The following HIVEP3 variants were observed in gnomAD, a reference collection of about 807,000 sequenced individuals.
HIVEP3 encodes transcription factor HIVEP3.
A neutral mutation model predicts 152.8 loss-of-function variants in HIVEP3; 49 were observed. The observed-to-expected ratio is 0.32, with a 90% CI of 0.26 to 0.41. The LOEUF is 0.41. HIVEP3 is among the 10% of genes least tolerant of loss of function. The pLI is 1.00. For synonymous variants in HIVEP3, 1,269 were observed against 1,289.0 expected (o/e 0.98, Z 0.33); for missense variants, 2,790 against 3,103.3 (o/e 0.90, Z 2.40).
At chr1:41,816,808 G>A (rs1157810960) in intron 1 of HIVEP3, among the ~76,000 whole-genome samples, 1 of 152,194 alleles carries the variant, frequency 6.6e-6, no homozygotes, top group Non-Finnish European at 1.5e-5. Flanking sequence ...CTACAAACTT[G>A]CATTCCTAAC....
At chr1:41,555,463 A>G (rs1643951486) in intron 5 of HIVEP3, among the ~76,000 whole-genome samples, 1 of 152,204 alleles carries the variant, frequency 6.6e-6, no homozygotes, top group Non-Finnish European at 1.5e-5. Flanking sequence ...GGGTGAGGCG[A>G]TGCCCTGCCC....
At chr1:41,972,214 A>T (rs926053113) in intron 1 of HIVEP3, among the ~76,000 whole-genome samples, 1 of 151,982 alleles carries the variant, frequency 6.6e-6, no homozygotes, top group Non-Finnish European at 1.5e-5. Flanking sequence ...CCCAATGACC[A>T]TTTCATCTAT....
At chr1:41,964,210 G>A (rs1316946311) in intron 1 of HIVEP3, among the ~76,000 whole-genome samples, 1 of 152,146 alleles carries the variant, frequency 6.6e-6, no homozygotes, top group Non-Finnish European at 1.5e-5. Context: ...TTCAGCTGAG[G>A]TATCTATGTT....
At chr1:41,518,606 C>T (rs1470588953) in intron 6 of HIVEP3, 118 bp from the exon 7 acceptor site, 1 of 941,642 alleles carries the variant, frequency 1.1e-6, no homozygotes, top group Non-Finnish European at 1.7e-6. Flanking sequence ...AGTCAAGGCC[C>T]TGCCAGCTGC....
chr1:41,890,719 A>C (rs1644433133), intron 1 of HIVEP3, among the ~76,000 whole-genome samples: 1 of 152,182 alleles, frequency 6.6e-6, no homozygotes, highest in Non-Finnish European at 1.5e-5. Context: ...ATCTTACTCC[A>C]AGTCTGGGCA....
At position 41,512,871 on chromosome 1, in the gene HIVEP3, G is replaced by C; in HGVS notation, c.6350C>G (p.Ala2117Gly). Reference protein sequence around the residue: ...GLDPRVLFPPAPLPHKLLSRS... With the variant: ...GLDPRVLFPPGPLPHKLLSRS... ...GCTGAGGAGCTTGTGAGGTAGAGGC[G>C]CGGGCGGGAAGAGAACCCGTGGGTC... Residue 2117 changes from alanine (A) to glycine (G), a missense_variant, in exon 8 of 9, where the codon GCG (alanine) becomes GGG (glycine). Physicochemically the swap from Ala to Gly is moderately conservative, Grantham distance 60. Around this residue, in one of 9 missense-constraint regions of HIVEP3, gnomAD observed 816 missense variants for 806.5 expected, o/e 1.01. Transcript: ENST00000372583. The C allele has an allele frequency of 6.4e-7, 1 of 1,553,100 alleles. No individual in the cohort carries two copies. The highest frequency in any genetic ancestry group is 8.7e-7 in the Non-Finnish European group (1 of 1,145,398).
chr1:41,831,473 GT>G (rs974292304), intron 1 of HIVEP3, among the ~76,000 whole-genome samples: 2 of 152,204 alleles, frequency 1.3e-5, no homozygotes, highest in South Asian at 4.1e-4. Context: ...GAATCATACA[GT>G]TTTTTATGCT....
chr1:41,878,521 T>G (rs1380371197), intron 1 of HIVEP3, among the ~76,000 whole-genome samples: 1 of 152,196 alleles, frequency 6.6e-6, no homozygotes, highest in Non-Finnish European at 1.5e-5. Flanking sequence ...CAACCACCTT[T>G]GCAAGTGATA....
At chr1:41,594,577 GCATAAA>G (rs956019872) in intron 3 of HIVEP3, among the ~76,000 whole-genome samples, 2 of 152,112 alleles carry the variant, frequency 1.3e-5, no homozygotes, top group African/African-American at 4.8e-5. Context: ...TAGCATTTTT[GCATAAA>G]CATATTCAGT....
intron 1 of HIVEP3, among the ~76,000 whole-genome samples, chr1:41,901,822 T>C (rs1023515490): frequency 6.6e-6 from 1 of 152,156 alleles, no homozygotes; most frequent in Non-Finnish European, 1.5e-5. Flanking sequence ...CTTAGCCTAT[T>C]TCCTTCACAG....
intron 1 of HIVEP3, among the ~76,000 whole-genome samples, chr1:41,943,777 C>T (rs548299723): frequency 7.1e-4 from 108 of 152,250 alleles, no homozygotes; most frequent in African/African-American, 2.5e-3. Context: ...CTGAAGAATT[C>T]AAGGAAGCCA....
intron 1 of HIVEP3, among the ~76,000 whole-genome samples, chr1:41,777,846 C>T (rs143863268): frequency 3.7e-4 from 57 of 152,346 alleles, no homozygotes; most frequent in Admixed American, 5.9e-4. Context: ...CTGGGAAGAG[C>T]GCAGATGTTG....
chr1:41,537,553 T>C (rs1341634111), intron 5 of HIVEP3, among the ~76,000 whole-genome samples: 1 of 151,910 alleles, frequency 6.6e-6, no homozygotes, highest in East Asian at 1.9e-4. Flanking sequence ...GCTCTTCGAG[T>C]GAAACTCACA....
At chr1:42,012,652 T>C (rs1311374436) in intron 1 of HIVEP3, among the ~76,000 whole-genome samples, 2 of 152,062 alleles carry the variant, frequency 1.3e-5, no homozygotes, top group South Asian at 2.1e-4. Flanking sequence ...ATTGTGCCGC[T>C]GCACTCCAGC....
intron 1 of HIVEP3, among the ~76,000 whole-genome samples, chr1:41,819,606 T>G (rs1642526816): frequency 1.3e-5 from 2 of 152,242 alleles, no homozygotes; most frequent in Non-Finnish European, 2.9e-5. Context: ...ATTTCTTCTT[T>G]GATTAATTAT....
chr1:41,537,057 T>C (rs941140676), intron 5 of HIVEP3, among the ~76,000 whole-genome samples: 1 of 152,198 alleles, frequency 6.6e-6, no homozygotes, highest in Admixed American at 6.5e-5. Context: ...CCCAAGGTCA[T>C]ATAGCTAGTC....
intron 1 of HIVEP3, among the ~76,000 whole-genome samples, chr1:41,853,080 C>A (rs1393327745): frequency 6.6e-6 from 1 of 152,176 alleles, no homozygotes; most frequent in Non-Finnish European, 1.5e-5. Flanking sequence ...ATAAAGTGAG[C>A]AGGCTGGAGG....
At chr1:41,942,234 T>C (rs541755681) in intron 1 of HIVEP3, among the ~76,000 whole-genome samples, 1 of 152,350 alleles carries the variant, frequency 6.6e-6, no homozygotes, top group African/African-American at 2.4e-5. Flanking sequence ...AACACATCCA[T>C]ATGGGTGTCC....
chr1:41,565,551 CACACAG>C (rs1188328671), intron 5 of HIVEP3, among the ~76,000 whole-genome samples: 1 of 134,162 alleles, frequency 7.5e-6, no homozygotes, highest in Non-Finnish European at 1.6e-5. Flanking sequence ...CACACACACA[CACACAG>C]AGAGAGAGAG....
Sources: allele counts gnomAD v4.1 joint callset (sites outside exome capture counted in the v4.1 genomes callset), GRCh38; gene constraint gnomAD v4.1.1; regional missense constraint gnomAD v4.1.1; transcripts MANE v1.5; gene names NCBI Gene and HGNC (gene_info 2026-07-23, HGNC 2026-07-21).